The following TMEM132D variants were observed in gnomAD, a reference collection of about 807,000 sequenced individuals.
TMEM132D encodes the protein mature OL transmembrane protein.
Under a neutral mutation model 62.3 loss-of-function variants are expected in TMEM132D, and 21 were observed. That is an observed-to-expected ratio of 0.34 (90% CI 0.24 to 0.49). TMEM132D has a LOEUF of 0.49. Ranked by LOEUF, TMEM132D falls within the 20% of genes least tolerant of loss-of-function variation. The probability of loss-of-function intolerance (pLI) is 0.99; values close to 1 mark genes in which losing one functional copy is unlikely to be tolerated. For missense variants in TMEM132D, 1,346 were observed against 1,402.8 expected (o/e 0.96, Z 0.65); for synonymous variants, 621 against 575.6 (o/e 1.08, Z -1.13).
At chr12:129,832,750 C>A (rs1007676137) in intron 1 of TMEM132D, among the ~76,000 whole-genome samples, 13 of 152,122 alleles carry the variant, frequency 8.5e-5, no homozygotes, top group African/African-American at 3.1e-4. Context: ...GCCACAAACC[C>A]GGCCATGATC....
At chr12:129,665,559 A>T (rs1880357443) in intron 2 of TMEM132D, among the ~76,000 whole-genome samples, 1 of 152,052 alleles carries the variant, frequency 6.6e-6, no homozygotes, top group African/African-American at 2.4e-5. Context: ...GTCTACTTAA[A>T]ATACTGACCT....
At chr12:129,572,051 GCAGGAACTCAGGA>G (rs1877528565) in intron 2 of TMEM132D, among the ~76,000 whole-genome samples, 2 of 152,178 alleles carry the variant, frequency 1.3e-5, no homozygotes, top group South Asian at 4.1e-4. Context: ...TACTCACCCT[GCAGGAACTCAGGA>G]TGACAGACTC....
At chr12:129,619,801 T>A (rs1879015411) in intron 2 of TMEM132D, among the ~76,000 whole-genome samples, 1 of 152,214 alleles carries the variant, frequency 6.6e-6, no homozygotes, top group African/African-American at 2.4e-5. Context: ...TCACACCGAA[T>A]TTCAGTAATC....
rs902889 is a variant in TMEM132D, at chr12:129,495,224, T to C, written c.1115+35835A>G. On this transcript the variant is annotated intron_variant, in intron 3 of 8. Coordinates refer to ENST00000422113, the MANE Select transcript of TMEM132D (RefSeq NM_133448.3). ...CACAAACAAGAGATCAAAGCCAATG[T>C]TAATAATTTCAAGGATATAAGCAAC... Among the ~76,000 whole-genome samples the C allele has an allele frequency of 9.1e-3, 1,372 of 151,506 alleles. 19 individuals carry two copies. The highest frequency in any genetic ancestry group is 0.031 in the African/African-American group (1,279 of 41,192).
At chr12:129,665,237 T>C (rs1880349299) in intron 2 of TMEM132D, among the ~76,000 whole-genome samples, 1 of 151,996 alleles carries the variant, frequency 6.6e-6, no homozygotes, top group African/African-American at 2.4e-5. Flanking sequence ...CTGCAACTCA[T>C]ACAACAGCAG....
chr12:129,147,164 ATGTG>A (rs1285711062), intron 5 of TMEM132D, among the ~76,000 whole-genome samples: 1 of 151,530 alleles, frequency 6.6e-6, no homozygotes, highest in Admixed American at 6.6e-5. Context: ...ATGAGAGAAT[ATGTG>A]TGTGTGTATA....
chr12:129,625,431 T>C (rs759715578), intron 2 of TMEM132D, among the ~76,000 whole-genome samples: 6 of 152,224 alleles, frequency 3.9e-5, no homozygotes, highest in Non-Finnish European at 8.8e-5. Context: ...CACCAAAAGG[T>C]TTGTTTTCAT....
chr12:129,318,447 C>T (rs1009251137), intron 4 of TMEM132D, among the ~76,000 whole-genome samples: 42 of 152,150 alleles, frequency 2.8e-4, no homozygotes, highest in Admixed American at 1.2e-3. Flanking sequence ...GTCTACCTGG[C>T]TCCGGGCTGG....
chr12:129,892,063 C>T (rs1157745520), intron 1 of TMEM132D, among the ~76,000 whole-genome samples: 1 of 152,118 alleles, frequency 6.6e-6, no homozygotes, highest in Non-Finnish European at 1.5e-5. Context: ...ATAGAAAAAT[C>T]AAATAAAGCC....
At chr12:129,315,619 T>C (rs533981387) in intron 4 of TMEM132D, among the ~76,000 whole-genome samples, 1 of 152,306 alleles carries the variant, frequency 6.6e-6, no homozygotes, top group Admixed American at 6.5e-5. Flanking sequence ...TTTGGTTATG[T>C]CCTTTCCTGG....
intron 5 of TMEM132D, among the ~76,000 whole-genome samples, chr12:129,096,689 G>A (rs1875127077): frequency 6.6e-6 from 1 of 152,208 alleles, no homozygotes; most frequent in Non-Finnish European, 1.5e-5. Flanking sequence ...TTCCCCGTCA[G>A]CCACAGTGGG....
chr12:129,515,373 C>A (rs1267099334), intron 3 of TMEM132D, among the ~76,000 whole-genome samples: 1 of 152,040 alleles, frequency 6.6e-6, no homozygotes, highest in Admixed American at 6.6e-5. Flanking sequence ...AATGAATGAA[C>A]AAATGAATGA....
intron 4 of TMEM132D, among the ~76,000 whole-genome samples, chr12:129,281,060 T>G (rs1209730604): frequency 6.6e-6 from 1 of 152,194 alleles, no homozygotes; most frequent in Non-Finnish European, 1.5e-5. Flanking sequence ...AAGGCCACTT[T>G]CTGAGATTCT....
At chr12:129,791,658 C>T (rs141045851) in intron 1 of TMEM132D, among the ~76,000 whole-genome samples, 1 of 151,998 alleles carries the variant, frequency 6.6e-6, no homozygotes, top group Admixed American at 6.6e-5. Flanking sequence ...CTGAATTAAC[C>T]CCCCCAGTCA....
At chr12:129,507,508 T>G (rs1169395101) in intron 3 of TMEM132D, among the ~76,000 whole-genome samples, 6 of 152,146 alleles carry the variant, frequency 3.9e-5, no homozygotes, top group Non-Finnish European at 8.8e-5. Context: ...TGCACATAAA[T>G]ATAATGAAAT....
chr12:129,364,744 GT>G (rs1443796988), intron 3 of TMEM132D, among the ~76,000 whole-genome samples: 1 of 152,128 alleles, frequency 6.6e-6, no homozygotes, highest in Non-Finnish European at 1.5e-5. Context: ...TATTGCAGGT[GT>G]TGTTCAAGCT....
intron 3 of TMEM132D, among the ~76,000 whole-genome samples, chr12:129,497,386 G>A (rs1441297247): frequency 1.3e-5 from 2 of 152,120 alleles, no homozygotes; most frequent in Admixed American, 1.3e-4. Context: ...TCTAGCTTGT[G>A]ATAAGTGGCC....
chr12:129,311,268 G>A (rs1452106883), intron 4 of TMEM132D, among the ~76,000 whole-genome samples: 2 of 141,910 alleles, frequency 1.4e-5, no homozygotes, highest in African/African-American at 2.5e-5. Flanking sequence ...AAAAAACTGC[G>A]GATCAATAAA....
At chr12:129,348,195 C>A (rs1339718458) in intron 3 of TMEM132D, among the ~76,000 whole-genome samples, 2 of 152,126 alleles carry the variant, frequency 1.3e-5, no homozygotes, top group East Asian at 3.9e-4. Context: ...CCCAGCAATC[C>A]CATTACTGGG....
Sources: allele counts gnomAD v4.1 joint callset (sites outside exome capture counted in the v4.1 genomes callset), GRCh38; gene constraint gnomAD v4.1.1; transcripts MANE v1.5; gene names NCBI Gene and HGNC (gene_info 2026-07-23, HGNC 2026-07-21).